Variants in B3GALT1 observed in about 807,000 individuals in gnomAD.
B3GALT1 encodes the protein UDP-Gal:betaGlcNAc beta 1,3-galactosyltransferase, polypeptide 1.
In B3GALT1, 10 loss-of-function variants were observed where a neutral mutation model predicts 23.2. The ratio of observed to expected loss-of-function variants is 0.43; its 90% CI spans 0.27 to 0.73. The LOEUF is 0.73. Ranked by LOEUF, B3GALT1 falls within the 30% of genes least tolerant of loss-of-function variation. The probability of loss-of-function intolerance (pLI) is 0.21; values close to 1 mark genes in which losing one functional copy is unlikely to be tolerated. For missense variants in B3GALT1, 299 were observed against 405.4 expected (o/e 0.74, Z 2.25); for synonymous variants, 156 against 141.5 (o/e 1.10, Z -0.73).
In B3GALT1 at chr2:167,707,526, T is replaced by C. The variant is rs570436328; in HGVS notation, c.-352+60560T>C. Among the ~76,000 whole-genome samples, 9 of 151,876 alleles carry C rather than the reference T, an allele frequency of 5.9e-5. No homozygotes were observed. The East Asian group carries it at 9.7e-4, about 16-fold the overall frequency. On this transcript the variant is annotated intron_variant, in intron 3 of 4. Transcript: ENST00000392690. ...TTTCTTATTTTTTTTTTCCGGCTTC[T>C]AGAAGCAGCCCAAATTCCTTGGCCC...
intron 2 of B3GALT1, among the ~76,000 whole-genome samples, chr2:167,519,993 C>G (rs1700163905): frequency 6.6e-6 from 1 of 150,542 alleles, no homozygotes; most frequent in East Asian, 2.0e-4. Flanking sequence ...TGCAGTGAGC[C>G]AAGATTGTGC....
intron 1 of B3GALT1, among the ~76,000 whole-genome samples, chr2:167,298,866 T>TA (rs558725527): frequency 1.8e-3 from 275 of 151,490 alleles, no homozygotes; most frequent in Non-Finnish European, 3.1e-3. Flanking sequence ...ATTTTTTTTT[T>TA]AAAAAGAGCA....
chr2:167,433,169 A>G (rs1698730090), intron 1 of B3GALT1, among the ~76,000 whole-genome samples: 1 of 152,088 alleles, frequency 6.6e-6, no homozygotes, highest in Admixed American at 6.6e-5. Context: ...AGGATGTCAT[A>G]TACTTGGAAT....
chr2:167,642,898 G>T (rs1379882451), intron 2 of B3GALT1, among the ~76,000 whole-genome samples: 1 of 152,014 alleles, frequency 6.6e-6, no homozygotes, highest in African/African-American at 2.4e-5. Context: ...ATAAGTGAAT[G>T]AATCCTATTA....
intron 2 of B3GALT1, chr2:167,631,392 T>G (rs1049408207): frequency 6.6e-6 from 1 of 151,896 alleles, no homozygotes; most frequent in Non-Finnish European, 1.5e-5. Flanking sequence ...CTTTAGATTC[T>G]ACAATTTGCC....
intron 2 of B3GALT1, among the ~76,000 whole-genome samples, chr2:167,619,269 T>C (rs1558926502): frequency 6.6e-6 from 1 of 152,006 alleles, no homozygotes; most frequent in African/African-American, 2.4e-5. Flanking sequence ...CCCCTCCCCA[T>C]TGAATGCCCT....
intron 4 of B3GALT1, among the ~76,000 whole-genome samples, chr2:167,830,163 A>G (rs1689316920): frequency 6.6e-6 from 1 of 152,142 alleles, no homozygotes; most frequent in Non-Finnish European, 1.5e-5. Context: ...GCCCAGAGAA[A>G]TGTCTTCAAG....
At chr2:167,434,523 TAAA>T (rs35876291) in intron 1 of B3GALT1, among the ~76,000 whole-genome samples, 7 of 134,200 alleles carry the variant, frequency 5.2e-5, no homozygotes, top group Admixed American at 1.5e-4. Flanking sequence ...AAGTACTCTG[TAAA>T]AAAAAAAAAA....
intron 2 of B3GALT1, among the ~76,000 whole-genome samples, chr2:167,613,575 C>G (rs1233443564): frequency 6.6e-6 from 1 of 151,284 alleles, no homozygotes; most frequent in Non-Finnish European, 1.5e-5. Context: ...TTTATATTTC[C>G]AATTTTTAAA....
chr2:167,325,478 A>G (rs974813081), intron 1 of B3GALT1, among the ~76,000 whole-genome samples: 3 of 151,834 alleles, frequency 2.0e-5, no homozygotes, highest in Admixed American at 6.6e-5. Context: ...AAATTTCACA[A>G]TAACTTACTC....
At chr2:167,591,635 G>A (rs1025508151) in intron 2 of B3GALT1, among the ~76,000 whole-genome samples, 1 of 151,884 alleles carries the variant, frequency 6.6e-6, no homozygotes, top group Non-Finnish European at 1.5e-5. Context: ...AAAATACACT[G>A]CTAATTTTTT....
intron 1 of B3GALT1, among the ~76,000 whole-genome samples, chr2:167,419,639 T>C (rs1698519268): frequency 6.6e-6 from 1 of 152,238 alleles, no homozygotes; most frequent in Non-Finnish European, 1.5e-5. Context: ...GTATCATCAT[T>C]CATACCCAAA....
At chr2:167,769,619 AG>A (rs1688038036) in intron 3 of B3GALT1, among the ~76,000 whole-genome samples, 1 of 144,790 alleles carries the variant, frequency 6.9e-6, no homozygotes, top group African/African-American at 2.5e-5. Context: ...CTGTTCCTAT[AG>A]TTTTATCATT....
chr2:167,631,778 T>C (rs1269018499), intron 2 of B3GALT1, among the ~76,000 whole-genome samples: 4 of 150,124 alleles, frequency 2.7e-5, no homozygotes, highest in Non-Finnish European at 5.9e-5. Context: ...TCTTTTTTTT[T>C]TTTTTTTTTT....
At chr2:167,334,948 A>T (rs1459564497) in intron 1 of B3GALT1, among the ~76,000 whole-genome samples, 1 of 152,078 alleles carries the variant, frequency 6.6e-6, no homozygotes, top group Non-Finnish European at 1.5e-5. Context: ...ATTTGTCCAG[A>T]GTTGGTTTGT....
chr2:167,592,573 T>C (rs1409481229), intron 2 of B3GALT1, among the ~76,000 whole-genome samples: 3 of 152,236 alleles, frequency 2.0e-5, no homozygotes, highest in Non-Finnish European at 4.4e-5. Context: ...ATTCACTGAA[T>C]TCTATGAGCT....
At position 167,844,636 on chromosome 2, in the gene B3GALT1, A is replaced by G. The variant is rs116204694; in HGVS notation, c.-229-24175A>G. On this transcript the variant is annotated intron_variant, in intron 4 of 4. Coordinates refer to ENST00000392690, the MANE Select transcript of B3GALT1 (RefSeq NM_020981.4). ...AAACAGGCCCTTCCTGCTGGGCACCACAAGGATCCGTCGAGAGGGCAGCCG... is the reference window on the plus strand; with the variant it reads ...AAACAGGCCCTTCCTGCTGGGCACCGCAAGGATCCGTCGAGAGGGCAGCCG... 6.6e-3 allele frequency among the ~76,000 whole-genome samples: 1,010 copies of G among 152,336 alleles called. 15 individuals are homozygous for G. Among genetic ancestry groups the G allele is most frequent in the African/African-American group, 0.023 (947 of 41,580 alleles).
intron 2 of B3GALT1, among the ~76,000 whole-genome samples, chr2:167,563,227 CG>C (rs1240971200): frequency 2.8e-5 from 4 of 144,224 alleles, no homozygotes; most frequent in Non-Finnish European, 6.0e-5. Context: ...CAGGTGCAGC[CG>C]GGCAGAGGCG....
chr2:167,303,509 C>T (rs1696489059), intron 1 of B3GALT1, among the ~76,000 whole-genome samples: 1 of 151,906 alleles, frequency 6.6e-6, no homozygotes, highest in African/African-American at 2.4e-5. Flanking sequence ...AATCATTAGA[C>T]CAATTAAAGA....
Sources: gnomAD v4.1 joint callset for allele counts (sites outside exome capture counted in the v4.1 genomes callset) on GRCh38, gnomAD v4.1.1 for gene constraint, MANE v1.5 for transcripts, NCBI Gene and HGNC (gene_info 2026-07-23, HGNC 2026-07-21) for gene names.